Variants in BRME1 observed in about 807,000 individuals in gnomAD.
The protein encoded by BRME1 is BRCA2 and MEILB2-associating protein 1.
In BRME1, 31 loss-of-function variants were observed where a neutral mutation model predicts 52.6. That is an observed-to-expected ratio of 0.59 (90% confidence interval 0.44 to 0.80). The LOEUF is 0.80. BRME1 is among the 30% of genes least tolerant of loss of function. The pLI is 0.00. For missense variants in BRME1, 804 were observed against 860.3 expected (o/e 0.93, Z 0.82); for synonymous variants, 359 against 353.6 (o/e 1.02, Z -0.17).
At chr19:13,902,120 T>C (rs1970336065) in intron 2 of BRME1, among the ~76,000 whole-genome samples, 1 of 148,978 alleles carries the variant, frequency 6.7e-6, no homozygotes, top group South Asian at 2.1e-4. Context: ...GGGCAGATCA[T>C]GTGAGGCCAG....
chr19:13,898,445 A>G (rs1396982215), intron 2 of BRME1, among the ~76,000 whole-genome samples: 2 of 151,984 alleles, frequency 1.3e-5, no homozygotes, highest in Non-Finnish European at 2.9e-5. Flanking sequence ...TCCCACCTCT[A>G]TAAAACATTT....
chr19:13,889,388 C>A lies in BRME1; in HGVS notation c.1468G>T (p.Asp490Tyr). 6.2e-7 allele frequency: 1 copy of A among 1,614,092 alleles called. No homozygotes were observed. Among genetic ancestry groups the A allele is most frequent in the Non-Finnish European group, 8.5e-7 (1 of 1,180,002 alleles). The change falls in exon 6 of 9, where the codon GAC becomes TAC. Residue 490 changes from aspartate to tyrosine, a missense_variant. Physicochemically the swap from Asp to Tyr is radical, Grantham distance 160. Transcript: ENST00000586783. ...GCCCCGGGCTCCTGGAGAGGGTCGT[C>A]TGCTATTTCTCTGTGTTCCAGCACA... ...SVVLEHREIA[D>Y]DPLQEPGAQQ...
Position 13,895,459 on chromosome 19 carries a change from A to T in BRME1, c.119T>A (p.Leu40Ter), listed in dbSNP as rs377027056. The T allele has an allele frequency of 1.9e-6, 3 of 1,613,986 alleles. No homozygotes were observed. Among genetic ancestry groups the T allele is most frequent in the Non-Finnish European group, 1.7e-6 (2 of 1,180,022 alleles). Residue 40 changes from leucine to a stop codon, truncating the protein, a stop_gained, in exon 3 of 9, where the codon TTA (leucine) becomes TAA (stop). Transcript: ENST00000586783. LOFTEE classifies it high-confidence loss of function. ...GDPQSSMLGC[L>*]HHPEEPEGKL... ...GCCCTCTGGCTCCTCAGGGTGATGT[A>T]AACAGCCCAACATGGAACTCTGGGG...
At chr19:13,885,926 G>A (rs1232774299) in intron 7 of BRME1, 35 bp downstream of exon 7, 1 of 1,591,658 alleles carries the variant, frequency 6.3e-7, no homozygotes, top group Non-Finnish European at 8.6e-7. Flanking sequence ...ATTTGTGAGG[G>A]TCCTGGAGCC....
chr19:13,895,286 T>C (rs1969796558), intron 3 of BRME1, 86 bp downstream of exon 3: 2 of 1,434,328 alleles, frequency 1.4e-6, no homozygotes, highest in South Asian at 2.7e-5. Context: ...TGTGGGTCTC[T>C]TTCCCAAAGC....
At position 13,882,856 on chromosome 19, in the gene BRME1, A is replaced by G. The variant is rs1968729699; in HGVS notation, c.1953T>C (p.Pro651=). The G allele has an allele frequency of 6.2e-7, 1 of 1,613,928 alleles. No homozygotes were observed. The highest frequency in any genetic ancestry group is 8.5e-7 in the Non-Finnish European group (1 of 1,179,960). Reference sequence around the variant, plus strand: ...GAGGGATATTCCCAGGCCCCTTGGAAGGGTAAGGCAGGGGGGCTTTGCCTC... The same window carrying G: ...GAGGGATATTCCCAGGCCCCTTGGAGGGGTAAGGCAGGGGGGCTTTGCCTC... The part of the protein sequence containing the change: ...KLGGKAPLPY[P]SKGPGNIPRG... The change falls in exon 9 of 9, where the codon CCT becomes CCC. Residue 651 remains proline (P), a synonymous_variant. Transcript: ENST00000586783.
At chr19:13,890,958 C>T (rs549436640) in intron 5 of BRME1, among the ~76,000 whole-genome samples, 2 of 151,920 alleles carry the variant, frequency 1.3e-5, no homozygotes, top group African/African-American at 2.4e-5. Flanking sequence ...ATATTGGCAC[C>T]GGCCATCATG....
Position 13,889,405 on chromosome 19 carries a change from T to C in BRME1, c.1451A>G (p.Glu484Gly). 1 of 1,613,986 alleles carries C rather than the reference T, an allele frequency of 6.2e-7. No homozygotes were observed. The highest frequency in any genetic ancestry group is 8.5e-7 in the Non-Finnish European group (1 of 1,180,006). The change falls in exon 6 of 9, where the codon GAA becomes GGA. Residue 484 changes from glutamate to glycine, a missense_variant. By Grantham distance (98) the Glu-to-Gly change is moderately conservative. Around this residue, in one of 3 missense-constraint regions of BRME1, gnomAD observed 552 missense variants for 561.1 expected, o/e 0.98. Coordinates refer to ENST00000586783, the MANE Select transcript of BRME1 (RefSeq NM_001345843.2). ...RVSPQASVVL[E>G]HREIADDPLQ... is the part of the protein sequence containing the mutation. ...AGGGTCGTCTGCTATTTCTCTGTGT[T>C]CCAGCACAACAGAGGCTTGCGGGGA...
intron 3 of BRME1, 101 bp from the exon 4 acceptor site, chr19:13,893,324 G>T (rs1969651648): frequency 4.0e-6 from 4 of 997,982 alleles, no homozygotes; most frequent in Non-Finnish European, 6.0e-6. Context: ...AGATCACCGA[G>T]GCCAGGAGTT....
Position 13,889,593 on chromosome 19 carries a change from C to T in BRME1, c.1263G>A (p.Leu421=). The T allele has an allele frequency of 1.2e-6, 2 of 1,611,520 alleles. No homozygotes were observed. The highest frequency in any genetic ancestry group is 1.3e-5 in the African/African-American group (1 of 74,998). Residue 421 remains leucine (L), a synonymous_variant, in exon 6 of 9, where the codon CTG becomes CTA. Coordinates refer to ENST00000586783, the MANE Select transcript of BRME1 (RefSeq NM_001345843.2). The part of the protein sequence containing the change: ...VLVGPTASLA[L]APGSGESMMG... ...TCATGGACTCTCCGCTCCCAGGTGC[C>T]AGAGCCAGGGAGGCTGTAGGGCCCA...
chr19:13,904,962 T>C, intron 1 of BRME1, 49 bp from the exon 2 acceptor site: 1 of 1,482,532 alleles, frequency 6.7e-7, no homozygotes, highest in Non-Finnish European at 9.4e-7. Flanking sequence ...TCTGTCTCTG[T>C]TTATATCCAG....
At position 13,904,886 on chromosome 19, in the gene BRME1, T is replaced by C. The variant is rs769096137; in HGVS notation, c.7A>G (p.Lys3Glu). 2.5e-6 allele frequency: 4 copies of C among 1,613,814 alleles called. No individual in the cohort carries two copies. The highest frequency in any genetic ancestry group is 2.7e-5 in the African/African-American group (2 of 75,020). Residue 3 changes from lysine to glutamate, a missense_variant, in exon 2 of 9, where the codon AAG becomes GAG. By Grantham distance (56) the Lys-to-Glu change is moderately conservative. Coordinates refer to ENST00000586783, the MANE Select transcript of BRME1 (RefSeq NM_001345843.2). The stretch of plus-strand genomic sequence containing the variant: ...CCTGAGGTCCGCAGCTTCTTCCTCT[T>C]AGTCATTTTATCTTCCCCTTGAGAA... MT[K>E]RKKLRTSGEG... is the part of the protein sequence containing the mutation.
rs1968725781 is a variant in BRME1 at position 13,882,822 on chromosome 19, G to A, written c.1987C>T (p.Pro663Ser). The A allele has an allele frequency of 1.2e-6, 2 of 1,613,942 alleles. No individual in the cohort carries two copies. The highest frequency in any genetic ancestry group is 2.7e-5 in the African/African-American group (2 of 75,034). Residue 663 changes from proline (P) to serine (S), a missense_variant, in exon 9 of 9, where the codon CCA becomes TCA. Coordinates refer to ENST00000586783, the MANE Select transcript of BRME1 (RefSeq NM_001345843.2). ...GTGGCCTACAACTCCCTCCAGGGTG[G>A]GTCCCCTCGAGGGATATTCCCAGGC... ...KGPGNIPRGD[P>S]PWREL is the part of the protein sequence containing the mutation.
chr19:13,893,605 C>T (rs1029801027), intron 3 of BRME1, among the ~76,000 whole-genome samples: 3 of 152,060 alleles, frequency 2.0e-5, no homozygotes, highest in African/African-American at 7.2e-5. Context: ...AAACGCAAAA[C>T]AAAATCCAAC....
intron 5 of BRME1, among the ~76,000 whole-genome samples, chr19:13,892,360 C>T (rs1418560625): frequency 1.1e-4 from 16 of 152,082 alleles, no homozygotes; most frequent in Non-Finnish European, 2.2e-4. Context: ...CTGAGGCGGG[C>T]AGATCACCTG....
chr19:13,901,580 T>G (rs1237929164), intron 2 of BRME1, among the ~76,000 whole-genome samples: 1 of 151,382 alleles, frequency 6.6e-6, no homozygotes, highest in Non-Finnish European at 1.5e-5. Flanking sequence ...GTACCTGTAA[T>G]CCCAGCTACT....
Position 13,895,457 on chromosome 19 carries a change from G to A in BRME1, c.121C>T (p.His41Tyr), listed in dbSNP as rs1969818598. 3 of 1,614,144 alleles carry A rather than the reference G, an allele frequency of 1.9e-6. No homozygotes were observed. The highest frequency in any genetic ancestry group is 2.5e-6 in the Non-Finnish European group (3 of 1,180,020). Residue 41 changes from histidine (H) to tyrosine (Y), a missense_variant, in exon 3 of 9, where the codon CAT (histidine) becomes TAT (tyrosine). This residue lies in a region of BRME1 where 234 missense variants were observed against 258.1 expected (regional missense o/e 0.91). Transcript: ENST00000586783. ...DPQSSMLGCLHHPEEPEGKLG... is the reference protein window; with the variant it reads ...DPQSSMLGCLYHPEEPEGKLG... ...TTGCCCTCTGGCTCCTCAGGGTGAT[G>A]TAAACAGCCCAACATGGAACTCTGG... is the stretch of plus-strand genomic sequence containing the variant.
intron 1 of BRME1, among the ~76,000 whole-genome samples, chr19:13,905,375 A>G (rs8112868): frequency 0.35 from 53,676 of 151,576 alleles, 12,814 homozygotes; most frequent in African/African-American, 0.69. Flanking sequence ...GGGCATCGTG[A>G]CGCACACCTG....
intron 4 of BRME1, 90 bp from the exon 5 acceptor site, chr19:13,892,980 T>C: frequency 1.4e-6 from 2 of 1,402,412 alleles, no homozygotes; most frequent in Non-Finnish European, 2.0e-6. Flanking sequence ...TGCTCCTTTC[T>C]TGTAGCCTTG....
Sources: allele counts gnomAD v4.1 joint callset (sites outside exome capture counted in the v4.1 genomes callset), GRCh38; gene constraint gnomAD v4.1.1; regional missense constraint gnomAD v4.1.1; transcripts MANE v1.5; gene names NCBI Gene and HGNC (gene_info 2026-07-23, HGNC 2026-07-21).